CLC: variants seen among roughly 807,000 people sequenced by gnomAD.
CLC encodes the protein galectin-10.
CLC carries 15 observed loss-of-function variants against 13.9 expected under a neutral mutation model. That is an observed-to-expected ratio of 1.08 (90% CI 0.72 to 1.66). The LOEUF is 1.66. Ranked by LOEUF, CLC falls within the 40% of genes most tolerant of loss-of-function variation. The pLI is 0.00. For missense variants in CLC, 161 were observed against 169.1 expected (o/e 0.95, Z 0.27); for synonymous variants, 68 against 59.9 (o/e 1.14, Z -0.63).
At chr19:39,735,878 G>A (rs1452743946) in intron 1 of CLC, among the ~76,000 whole-genome samples, 1 of 152,150 alleles carries the variant, frequency 6.6e-6, no homozygotes, top group Non-Finnish European at 1.5e-5. Context: ...TGTAACAGTA[G>A]AGAGATTCAC....
chr19:39,732,782 G>C (rs2144915871), intron 3 of CLC, among the ~76,000 whole-genome samples: 1 of 151,894 alleles, frequency 6.6e-6, no homozygotes, highest in South Asian at 2.1e-4. Context: ...ATTCTAACTG[G>C]TGTGAGACGG....
chr19:39,734,246 A>G (rs948224532), intron 3 of CLC, 37 bp downstream of exon 3: 1 of 1,598,136 alleles, frequency 6.3e-7, no homozygotes, highest in Admixed American at 1.7e-5. Context: ...CTGAGATCCC[A>G]TGGAAGCCGG....
intron 2 of CLC, 36 bp from the exon 3 acceptor site, chr19:39,734,529 T>C (rs1434475742): frequency 3.2e-6 from 5 of 1,556,052 alleles, no homozygotes; most frequent in African/African-American, 1.4e-5. Flanking sequence ...GCAGGTCCCT[T>C]TCTTGTGGGG....
At chr19:39,732,641 C>A (rs1967243316) in intron 3 of CLC, among the ~76,000 whole-genome samples, 1 of 131,296 alleles carries the variant, frequency 7.6e-6, no homozygotes, top group Non-Finnish European at 1.6e-5. Context: ...AGTTCTAGAT[C>A]CCTGAGGAAT....
chr19:39,733,841 G>GAAT, intron 3 of CLC: 1 of 640,936 alleles, frequency 1.6e-6, no homozygotes, highest in Non-Finnish European at 1.9e-6. Context: ...GGAGTGAGAA[G>GAAT]TCTTCATATT....
intron 1 of CLC, 125 bp downstream of exon 1, chr19:39,737,813 C>T: frequency 9.8e-7 from 1 of 1,018,632 alleles, no homozygotes; most frequent in East Asian, 2.4e-5. Context: ...GTCTCTCTTC[C>T]ACACACCCAC....
Position 39,734,302 on chromosome 19 carries a change from A to T in CLC, c.284T>A (p.Val95Glu), listed in dbSNP as rs752104928. The change falls in exon 3 of 4, where the codon GTG (valine) becomes GAG (glutamate). Residue 95 changes from valine to glutamate, a missense_variant. Transcript: ENST00000221804. The part of the protein sequence containing the change: ...DGQEFELSIS[V>E]LPDKYQVMVN... ...GCTCACCTGGTACTTATCTGGCAGC[A>T]CTGAGATGCTCAGTTCAAATTCTTG... The T allele has an allele frequency of 6.2e-7, 1 of 1,613,900 alleles. No homozygotes were observed. Among genetic ancestry groups the T allele is most frequent in the Admixed American group, 1.7e-5 (1 of 60,022 alleles).
intron 3 of CLC, among the ~76,000 whole-genome samples, chr19:39,732,662 A>G (rs1292233172): frequency 7.1e-6 from 1 of 140,528 alleles, no homozygotes. Flanking sequence ...CGCCACACTG[A>G]CTTCCACAAT....
intron 3 of CLC, among the ~76,000 whole-genome samples, chr19:39,731,872 C>T (rs1967231095): frequency 6.6e-6 from 1 of 152,108 alleles, no homozygotes. Context: ...CAACAATGTC[C>T]ACTGAATGCA....
At chr19:39,732,820 C>T (rs1243022455) in intron 3 of CLC, among the ~76,000 whole-genome samples, 1 of 151,290 alleles carries the variant, frequency 6.6e-6, no homozygotes, top group Non-Finnish European at 1.5e-5. Context: ...ACCATAAAAA[C>T]CCTAGAAGAA....
At position 39,731,324 on chromosome 19, in the gene CLC, C is replaced by A. The variant is rs930137967; in HGVS notation, c.*56G>T. 1.3e-6 allele frequency: 2 copies of A among 1,583,408 alleles called. No homozygotes were observed. The highest frequency in any genetic ancestry group is 2.7e-5 in the African/African-American group (2 of 74,278). On this transcript the variant is annotated 3_prime_UTR_variant, in exon 4 of 4. Transcript: ENST00000221804. ...GAGAAAAGATCATGCTGTTAGCTGG[C>A]TTTGGAATCCCAAGTTCACGTAGAG...
At chr19:39,732,984 A>C (rs1007935597) in intron 3 of CLC, among the ~76,000 whole-genome samples, 2 of 144,148 alleles carry the variant, frequency 1.4e-5, no homozygotes, top group African/African-American at 5.2e-5. Flanking sequence ...CAGAGTGAAC[A>C]GGCAACCTAC....
At chr19:39,732,923 A>G (rs1227503327) in intron 3 of CLC, among the ~76,000 whole-genome samples, 23 of 136,478 alleles carry the variant, frequency 1.7e-4, no homozygotes, top group Non-Finnish European at 8.1e-5. Context: ...AAATTGACAA[A>G]TGGGATCTAA....
intron 3 of CLC, among the ~76,000 whole-genome samples, chr19:39,731,883 C>T (rs1048419651): frequency 1.3e-5 from 2 of 152,114 alleles, no homozygotes; most frequent in East Asian, 1.9e-4. Context: ...ACTGAATGCA[C>T]ACATTTCAGT....
intron 1 of CLC, among the ~76,000 whole-genome samples, chr19:39,737,227 G>A (rs913230574): frequency 3.3e-5 from 5 of 151,300 alleles, no homozygotes; most frequent in Non-Finnish European, 7.4e-5. Context: ...CCCATCGTCT[G>A]TTTCTCACCC....
At chr19:39,731,910 G>A (rs950081773) in intron 3 of CLC, among the ~76,000 whole-genome samples, 4 of 152,130 alleles carry the variant, frequency 2.6e-5, no homozygotes, top group Non-Finnish European at 5.9e-5. Context: ...AATTATGACT[G>A]CTATTTGCTG....
In CLC at chr19:39,734,297, G is replaced by A. The variant is rs1967274148; in HGVS notation, c.289C>T (p.Pro97Ser). ...GGGGTGCTCACCTGGTACTTATCTG[G>A]CAGCACTGAGATGCTCAGTTCAAAT... is the stretch of plus-strand genomic sequence containing the variant. The part of the protein sequence containing the change: ...QEFELSISVL[P>S]DKYQVMVNGQ... The change falls in exon 3 of 4, where the codon CCA becomes TCA. Residue 97 changes from proline (P) to serine (S), a missense_variant. Transcript: ENST00000221804. The A allele has an allele frequency of 6.2e-7, 1 of 1,613,542 alleles. No homozygotes were observed. The highest frequency in any genetic ancestry group is 1.1e-5 in the South Asian group (1 of 91,082).
In CLC at chr19:39,734,404, C is replaced by A. The variant is rs140514392; in HGVS notation, c.182G>T (p.Arg61Leu). Residue 61 changes from arginine to leucine, a missense_variant, in exon 3 of 4, where the codon CGT (arginine) becomes CTT (leucine). Transcript: ENST00000221804. ...VFHFQVCFGR[R>L]VVMNSREYGA... ...ATACTCACGGCTGTTCATGACCACA[C>A]GACGACCAAAGCACACTTGGAAATG... The A allele has an allele frequency of 1.3e-4, 202 of 1,614,100 alleles. No homozygotes were observed. In the East Asian group the frequency reaches 3.6e-3, roughly 29 times the overall value.
chr19:39,736,966 A>T (rs150068756), intron 1 of CLC, among the ~76,000 whole-genome samples: 1 of 152,078 alleles, frequency 6.6e-6, no homozygotes, highest in Non-Finnish European at 1.5e-5. Flanking sequence ...GGGCCTTTCA[A>T]TTCGGCCACC....
Sources: allele counts gnomAD v4.1 joint callset (sites outside exome capture counted in the v4.1 genomes callset), GRCh38; gene constraint gnomAD v4.1.1; transcripts MANE v1.5; gene names NCBI Gene and HGNC (gene_info 2026-07-23, HGNC 2026-07-21).